Variants in FBXL13 observed in about 807,000 individuals in gnomAD.
FBXL13 encodes F-box and leucine rich repeat protein 13.
In FBXL13, 67 loss-of-function variants were observed where a neutral mutation model predicts 83.6. That is an observed-to-expected ratio of 0.80 (90% CI 0.66 to 0.98). The LOEUF is 0.98. Ranked by LOEUF, FBXL13 falls within the 50% of genes least tolerant of loss-of-function variation. The pLI is 0.00. For synonymous variants in FBXL13, 272 were observed against 299.5 expected, an observed-to-expected ratio of 0.91 and a Z score of 0.95; for missense variants, 822 against 866.5, an observed-to-expected ratio of 0.95 and a Z score of 0.64.
chr7:102,896,299 C>A (rs141167622), intron 11 of FBXL13, among the ~76,000 whole-genome samples: 9 of 152,214 alleles, frequency 5.9e-5, no homozygotes, highest in African/African-American at 2.2e-4. Flanking sequence ...AGTAGACTTG[C>A]AGGAGGCAGG....
chr7:102,888,472 C>T (rs1437734755), intron 11 of FBXL13, among the ~76,000 whole-genome samples: 1 of 152,228 alleles, frequency 6.6e-6, no homozygotes, highest in Admixed American at 6.5e-5. Context: ...GCGGAACTTG[C>T]AGTGAGCTGA....
chr7:102,852,674 A>G (rs562820110), intron 17 of FBXL13, among the ~76,000 whole-genome samples: 1 of 152,320 alleles, frequency 6.6e-6, no homozygotes, highest in South Asian at 2.1e-4. Context: ...CCATAATCAA[A>G]AAGTCAAAAA....
chr7:102,814,717 A>G (rs1451459373), intron 19 of FBXL13, among the ~76,000 whole-genome samples: 1 of 152,248 alleles, frequency 6.6e-6, no homozygotes, highest in Non-Finnish European at 1.5e-5. Flanking sequence ...TATGGACTAA[A>G]ACTTGGCAAA....
chr7:102,950,225 T>C (rs1352149258), intron 8 of FBXL13, among the ~76,000 whole-genome samples: 4 of 152,188 alleles, frequency 2.6e-5, no homozygotes, highest in African/African-American at 9.7e-5. Context: ...AGATGTTCCA[T>C]AACAAATGTC....
intron 8 of FBXL13, among the ~76,000 whole-genome samples, chr7:102,960,792 T>A (rs1014036936): frequency 2.0e-5 from 3 of 151,740 alleles, no homozygotes; most frequent in Admixed American, 2.0e-4. Flanking sequence ...CAACCTTTCA[T>A]GCTAAAAACT....
At chr7:103,007,279 A>T (rs188641730) in intron 6 of FBXL13, among the ~76,000 whole-genome samples, 9 of 152,258 alleles carry the variant, frequency 5.9e-5, no homozygotes, top group Non-Finnish European at 1.5e-5. Flanking sequence ...AGAAAATCAC[A>T]TAAAGGCACA....
At chr7:103,041,683 A>G (rs1486611780) in intron 2 of FBXL13, among the ~76,000 whole-genome samples, 1 of 152,256 alleles carries the variant, frequency 6.6e-6, no homozygotes, top group African/African-American at 2.4e-5. Context: ...CAAATCAATA[A>G]ACATAATCCA....
intron 12 of FBXL13, 66 bp downstream of exon 13, chr7:102,884,148 T>A: frequency 8.9e-7 from 1 of 1,117,852 alleles, no homozygotes; most frequent in Non-Finnish European, 1.3e-6. Flanking sequence ...TTTCAGTAAT[T>A]CAAGCCATTA....
chr7:102,883,751 C>T, intron 12 of FBXL13, 66 bp from the exon 14 acceptor site: 1 of 951,390 alleles, frequency 1.1e-6, no homozygotes. Context: ...GTAATGAAGT[C>T]ACTTTTTCCT....
chr7:102,964,404 A>ATATATATATATATATATTTTTTTTT (rs796873670), intron 7 of FBXL13, among the ~76,000 whole-genome samples: 1 of 143,292 alleles, frequency 7.0e-6, no homozygotes, highest in African/African-American at 2.6e-5. Context: ...ATATATATAT[A>ATATATATATATATATATTTTTTTTT]TTTTTTTTTT....
chr7:102,814,338 A>G (rs1797705520), intron 19 of FBXL13: 1 of 152,140 alleles, frequency 6.6e-6, no homozygotes, highest in South Asian at 2.1e-4. Context: ...TGTTACCTTG[A>G]GTTATTAATT....
chr7:102,932,031 C>T, intron 8 of FBXL13, 98 bp from the exon 10 acceptor site: 1 of 1,151,080 alleles, frequency 8.7e-7, no homozygotes, highest in Non-Finnish European at 1.2e-6. Flanking sequence ...CATTAGAAAA[C>T]AAACAAAAAC....
intron 18 of FBXL13, chr7:102,827,188 T>C (rs2129446613): frequency 2.2e-6 from 1 of 453,002 alleles, no homozygotes; most frequent in African/African-American, 2.0e-5. Flanking sequence ...TTACTGCCCT[T>C]GAAGCAGCTC....
chr7:102,938,289 C>A (rs114867119), intron 8 of FBXL13, among the ~76,000 whole-genome samples: 1 of 152,100 alleles, frequency 6.6e-6, no homozygotes, highest in African/African-American at 2.4e-5. Context: ...AGGTAAATTA[C>A]CCTTAGCTGC....
At chr7:102,965,349 C>T (rs1825862645) in intron 7 of FBXL13, among the ~76,000 whole-genome samples, 1 of 152,054 alleles carries the variant, frequency 6.6e-6, no homozygotes, top group Admixed American at 6.6e-5. Context: ...GGAAAAATAA[C>T]AGTGCCTAAC....
At chr7:103,000,814 G>A (rs1790307775) in intron 6 of FBXL13, among the ~76,000 whole-genome samples, 1 of 152,172 alleles carries the variant, frequency 6.6e-6, no homozygotes, top group South Asian at 2.1e-4. Context: ...TTCTTACTGA[G>A]TTGCTCCTAT....
chr7:103,009,111 A>G (rs1791306072), intron 6 of FBXL13, among the ~76,000 whole-genome samples: 1 of 151,656 alleles, frequency 6.6e-6, no homozygotes, highest in Non-Finnish European at 1.5e-5. Context: ...AGTTCACAGG[A>G]AAAAAAAAGA....
chr7:102,945,957 C>A (rs1305709286), intron 8 of FBXL13, among the ~76,000 whole-genome samples: 1 of 152,174 alleles, frequency 6.6e-6, no homozygotes, highest in East Asian at 1.9e-4. Flanking sequence ...TCTCAGCTCG[C>A]TGCAACCTAC....
chr7:103,065,207 A>C (rs909074091), intron 1 of FBXL13, among the ~76,000 whole-genome samples: 7 of 152,300 alleles, frequency 4.6e-5, no homozygotes, highest in African/African-American at 7.2e-5. Flanking sequence ...CTTTCATTTT[A>C]GATTTTTAAA....
Sources: gnomAD v4.1 joint callset for allele counts (sites outside exome capture counted in the v4.1 genomes callset) on GRCh38, gnomAD v4.1.1 for gene constraint, MANE v1.5 for transcripts, NCBI Gene and HGNC (gene_info 2026-07-23, HGNC 2026-07-21) for gene names.